Variants in ALK observed in about 807,000 individuals in gnomAD.
The protein encoded by ALK is ALK tyrosine kinase receptor.
A neutral mutation model predicts 163.1 loss-of-function variants in ALK; 74 were observed. The observed-to-expected ratio is 0.45, with a 90% CI of 0.38 to 0.55. ALK has a LOEUF of 0.55. ALK is among the 20% of genes least tolerant of loss of function. The pLI, the probability that ALK is intolerant of heterozygous loss-of-function variation, is 0.00. For missense variants in ALK, 2,063 were observed against 2,105.3 expected (o/e 0.98, Z 0.39); for synonymous variants, 960 against 843.2 (o/e 1.14, Z -2.40).
At chr2:29,516,841 G>A (rs1264683286) in intron 4 of ALK, among the ~76,000 whole-genome samples, 1 of 152,222 alleles carries the variant, frequency 6.6e-6, no homozygotes, top group East Asian at 1.9e-4. Flanking sequence ...TGACAGCAAT[G>A]AGCTGGGTTA....
chr2:29,900,185 C>A (rs1470837583), intron 1 of ALK, among the ~76,000 whole-genome samples: 3 of 152,232 alleles, frequency 2.0e-5, no homozygotes, highest in Admixed American at 2.0e-4. Context: ...TGAGAGTAGG[C>A]CAGTTCATGC....
intron 1 of ALK, among the ~76,000 whole-genome samples, chr2:29,874,526 G>A (rs1195094919): frequency 3.3e-5 from 5 of 152,080 alleles, no homozygotes; most frequent in African/African-American, 9.7e-5. Context: ...AGGACCTCCC[G>A]GCCCACATGC....
intron 15 of ALK, among the ~76,000 whole-genome samples, chr2:29,232,100 A>G (rs1204567416): frequency 1.3e-5 from 2 of 152,164 alleles, no homozygotes; most frequent in African/African-American, 4.8e-5. Context: ...ACCTTCTACA[A>G]GTCCAAGCTC....
At chr2:29,557,670 G>C (rs933932111) in intron 3 of ALK, among the ~76,000 whole-genome samples, 3 of 152,140 alleles carry the variant, frequency 2.0e-5, no homozygotes, top group Admixed American at 6.5e-5. Context: ...ATATATTAGT[G>C]GGGTGGGGGA....
intron 4 of ALK, among the ~76,000 whole-genome samples, chr2:29,420,586 A>C (rs1295491437): frequency 2.0e-5 from 3 of 151,488 alleles, no homozygotes; most frequent in Non-Finnish European, 4.4e-5. Flanking sequence ...TTTCCTGCTT[A>C]ACATTCTGCA....
At chr2:29,568,744 T>C (rs527654134) in intron 3 of ALK, among the ~76,000 whole-genome samples, 2 of 152,322 alleles carry the variant, frequency 1.3e-5, no homozygotes, top group East Asian at 3.9e-4. Flanking sequence ...AACTGGAATC[T>C]GAGAGAAGCT....
chr2:29,264,512 G>C (rs1229912082), intron 11 of ALK, among the ~76,000 whole-genome samples: 1 of 152,194 alleles, frequency 6.6e-6, no homozygotes, highest in Non-Finnish European at 1.5e-5. Flanking sequence ...TTTGCTTTCT[G>C]CACTAGCACA....
intron 1 of ALK, among the ~76,000 whole-genome samples, chr2:29,845,135 C>G (rs770527460): frequency 1.3e-5 from 2 of 152,172 alleles, no homozygotes; most frequent in African/African-American, 2.4e-5. Flanking sequence ...GCAAGTGGAT[C>G]AGGGCTAACA....
chr2:29,633,720 G>A (rs967295662), intron 3 of ALK, among the ~76,000 whole-genome samples: 10 of 152,050 alleles, frequency 6.6e-5, no homozygotes, highest in Admixed American at 3.9e-4. Flanking sequence ...ACCAATATGA[G>A]GAAGGAAACA....
At position 29,227,707 on chromosome 2, in the gene ALK, G is replaced by A; in HGVS notation, c.2816-35C>T. Reference sequence around the variant, plus strand: ...AAACCAGAGCAGAGTTTAACATGGGGGGTGGGTGCCAAAATCTTAACACAC... The same window carrying A: ...AAACCAGAGCAGAGTTTAACATGGGAGGTGGGTGCCAAAATCTTAACACAC... On this transcript the variant is annotated intron_variant, in intron 16 of 28. Coordinates refer to ENST00000389048, the MANE Select transcript of ALK (RefSeq NM_004304.5). The surrounding 1 kb of genome is among the most constrained non-coding windows in gnomAD (Gnocchi z 4.4). 6.4e-7 allele frequency: 1 copy of A among 1,563,518 alleles called. No individual in the cohort carries two copies. The highest frequency in any genetic ancestry group is 8.8e-7 in the Non-Finnish European group (1 of 1,134,904).
rs190639819 is a variant in ALK, at chr2:29,193,319, C to G, written c.4768G>C (p.Gly1590Arg). ...GCAGTAGCGGCTTCTAAGGGCAAGC[C>G]CTGTTGCTGGTAGCCGTAATTGACA... ...GNVNYGYQQQ[G>R]LPLEAATAPG... Residue 1590 changes from glycine (G) to arginine (R), a missense_variant, in exon 29 of 29, where the codon GGC becomes CGC. This residue lies in a region of ALK where 403 missense variants were observed against 366.2 expected (regional missense o/e 1.10). Coordinates refer to ENST00000389048, the MANE Select transcript of ALK (RefSeq NM_004304.5). 6.2e-7 allele frequency: 1 copy of G among 1,614,128 alleles called. No homozygotes were observed. The highest frequency in any genetic ancestry group is 8.5e-7 in the Non-Finnish European group (1 of 1,180,022).
intron 3 of ALK, among the ~76,000 whole-genome samples, chr2:29,656,497 G>T (rs1449932584): frequency 2.6e-5 from 4 of 152,160 alleles, no homozygotes; most frequent in Non-Finnish European, 5.9e-5. Flanking sequence ...TCAATTCCTA[G>T]CTAAGGTAAT....
chr2:29,691,424 T>C (rs1573559131), intron 3 of ALK, among the ~76,000 whole-genome samples: 1 of 152,254 alleles, frequency 6.6e-6, no homozygotes, highest in East Asian at 1.9e-4. Context: ...CAGCAGCTTT[T>C]GCTATGGTTG....
At chr2:29,758,804 C>T (rs1680614357) in intron 1 of ALK, among the ~76,000 whole-genome samples, 1 of 152,184 alleles carries the variant, frequency 6.6e-6, no homozygotes, top group Non-Finnish European at 1.5e-5. Context: ...GTTTTCTGGA[C>T]ATTTCAGATT....
intron 4 of ALK, among the ~76,000 whole-genome samples, chr2:29,420,514 C>T (rs75206688): frequency 0.027 from 4,095 of 151,484 alleles, 331 homozygotes; most frequent in African/African-American, 0.09. Context: ...CCAGCCTCCC[C>T]CACCCTGAGT....
At chr2:29,701,242 C>G (rs1678725055) in intron 2 of ALK, among the ~76,000 whole-genome samples, 1 of 152,170 alleles carries the variant, frequency 6.6e-6, no homozygotes, top group South Asian at 2.1e-4. Flanking sequence ...TAACCTTGAG[C>G]CTGTTAACCC....
At chr2:29,887,974 G>A (rs548173650) in intron 1 of ALK, among the ~76,000 whole-genome samples, 5 of 152,260 alleles carry the variant, frequency 3.3e-5, no homozygotes, top group African/African-American at 7.2e-5. Context: ...GAGAATGTCA[G>A]GTCAGGTAAT....
chr2:29,730,300 C>T (rs1210762578), intron 1 of ALK, among the ~76,000 whole-genome samples: 1 of 152,200 alleles, frequency 6.6e-6, no homozygotes, highest in South Asian at 2.1e-4. Flanking sequence ...AGATTCTGCT[C>T]TGGTAGGCAC....
chr2:29,321,233 C>T lies in ALK; in HGVS notation c.1415-351G>A, dbSNP rs574390167. Among the ~76,000 whole-genome samples, 29 of 152,296 alleles carry T rather than the reference C, an allele frequency of 1.9e-4. 1 individual carries two copies. Among genetic ancestry groups the T allele is most frequent in the Non-Finnish European group, 3.8e-4 (26 of 68,038 alleles). Reference sequence around the variant, plus strand: ...GCTAACAGATAACCCAGTTAGGACTCGAACCCAGGTCTTCTGCTTCTAAAT... The same window carrying T: ...GCTAACAGATAACCCAGTTAGGACTTGAACCCAGGTCTTCTGCTTCTAAAT... On this transcript the variant is annotated intron_variant, in intron 6 of 28. Transcript: ENST00000389048.
Sources: allele counts gnomAD v4.1 joint callset (sites outside exome capture counted in the v4.1 genomes callset), GRCh38; gene constraint gnomAD v4.1.1; regional missense constraint gnomAD v4.1.1; non-coding constraint Gnocchi (gnomAD v3.1); transcripts MANE v1.5; gene names NCBI Gene and HGNC (gene_info 2026-07-23, HGNC 2026-07-21).